UBFD1: variants seen among roughly 807,000 people sequenced by gnomAD.
UBFD1 encodes the protein ubiquitin domain-containing protein UBFD1.
A neutral mutation model predicts 35.1 loss-of-function variants in UBFD1; 12 were observed. The ratio of observed to expected loss-of-function variants is 0.34; its 90% CI spans 0.22 to 0.55. UBFD1 has a LOEUF of 0.55. Ranked by LOEUF, UBFD1 falls within the 20% of genes least tolerant of loss-of-function variation. UBFD1 has a pLI of 0.89. For missense variants in UBFD1, 337 were observed against 410.8 expected (o/e 0.82, Z 1.55); for synonymous variants, 178 against 167.6 (o/e 1.06, Z -0.48).
rs1966096071 is a variant in UBFD1, at chr16:23,572,311, A to G, written c.*1721A>G. 1 of 152,336 alleles carries G rather than the reference A, an allele frequency of 6.6e-6. No individual in the cohort carries two copies. The highest frequency in any genetic ancestry group is 2.4e-5 in the African/African-American group (1 of 41,478). 9.4% of individuals were successfully genotyped at this position (152,336 alleles called of 1,614,324 possible). A position where few individuals can be genotyped will look rare whatever the true frequency, so the allele number is the denominator to read the frequency against. ...TTCATCCCTTGAGAAAGGAGCAGTC[A>G]TTGCAGCTTTTCTGTCCTTGTCGGC... On this transcript the variant is annotated 3_prime_UTR_variant, in exon 7 of 7. Transcript: ENST00000395878.
In UBFD1 at chr16:23,559,919, A is replaced by G. The variant is rs904898633; in HGVS notation, c.564+243A>G. The stretch of plus-strand genomic sequence containing the variant: ...TTTAGGATAAGACCTTGGTAAAGGG[A>G]GGCTTCAGACCATGTGTTGAAAGGA... On this transcript the variant is annotated intron_variant, in intron 3 of 6. Coordinates refer to ENST00000395878, the MANE Select transcript of UBFD1 (RefSeq NM_019116.3). 44 of 1,493,380 alleles carry G rather than the reference A, an allele frequency of 2.9e-5. No individual in the cohort carries two copies. In the Admixed American group the frequency reaches 5.4e-4, roughly 18 times the overall value. The allele number at this position is 1,493,380 out of a possible 1,614,324, so 92.5% of individuals were successfully genotyped here.
chr16:23,561,627 G>A (rs999411664), intron 3 of UBFD1: 2 of 152,230 alleles, frequency 1.3e-5, no homozygotes, highest in Non-Finnish European at 2.9e-5. Context: ...TAGGGCAGTG[G>A]GGAAAACTTC....
chr16:23,557,938 ACCC>A lies in UBFD1; in HGVS notation c.26-9_26-7del, dbSNP rs1470010984. 127 of 1,333,514 alleles carry A rather than the reference ACCC, an allele frequency of 9.5e-5. No individual in the cohort carries two copies. The highest frequency in any genetic ancestry group is 1.2e-4 in the Non-Finnish European group (126 of 1,042,544). 82.6% of individuals were successfully genotyped at this position (1,333,514 alleles called of 1,614,324 possible). A position where few individuals can be genotyped will look rare whatever the true frequency, so the allele number is the denominator to read the frequency against. ...GCCCGCGGCGAGCGCCCACCCCCTA[ACCC>A]CCTTGCAGGCATGGAGGAACCTGGC... On this transcript the variant is annotated splice_polypyrimidine_tract_variant and intron_variant, in intron 1 of 6. Transcript: ENST00000395878.
chr16:23,567,732 A>G (rs1206230081), intron 6 of UBFD1, among the ~76,000 whole-genome samples: 3 of 152,286 alleles, frequency 2.0e-5, no homozygotes, highest in Admixed American at 6.5e-5. Context: ...GAGGAGCCAC[A>G]TTGACCACGA....
chr16:23,567,168 GTCTCCAGAAGATGCAC>G (rs1268206117), intron 6 of UBFD1, 99 bp downstream of exon 6: 6 of 1,135,672 alleles, frequency 5.3e-6, no homozygotes, highest in Non-Finnish European at 6.4e-6. Flanking sequence ...AGAAAACTCA[GTCTCCAGAAGATGCAC>G]TTTTTTAAGA....
chr16:23,573,388 T>C lies in UBFD1; in HGVS notation c.*2798T>C, dbSNP rs1183106213. On this transcript the variant is annotated 3_prime_UTR_variant, in exon 7 of 7. Coordinates refer to ENST00000395878, the MANE Select transcript of UBFD1 (RefSeq NM_019116.3). Reference sequence around the variant, plus strand: ...TCCTGCAGGTTCTGGCTCACAGACATCATCATGCCTTTTTTTCCCTCCCTG... The same window carrying C: ...TCCTGCAGGTTCTGGCTCACAGACACCATCATGCCTTTTTTTCCCTCCCTG... 6.6e-6 allele frequency: 1 copy of C among 152,188 alleles called. No homozygotes were observed. Among genetic ancestry groups the C allele is most frequent in the Non-Finnish European group, 1.5e-5 (1 of 68,038 alleles). The allele number at this position is 152,188 out of a possible 1,614,324, so 9.4% of individuals were successfully genotyped here.
rs755974600 is a variant in UBFD1, at chr16:23,571,252, T to TGCC, written c.*663_*665dup. ...GGGCTCCCTCCCGCCGTGCTGCTGC[T>TGCC]GCCTGTGAACGCACGGTGGGAGAGG... On this transcript the variant is annotated 3_prime_UTR_variant, in exon 7 of 7. Coordinates refer to ENST00000395878, the MANE Select transcript of UBFD1 (RefSeq NM_019116.3). 1 of 152,724 alleles carries TGCC rather than the reference T, an allele frequency of 6.5e-6. No individual in the cohort carries two copies. Among genetic ancestry groups the TGCC allele is most frequent in the Non-Finnish European group, 1.5e-5 (1 of 68,060 alleles). The allele number at this position is 152,724 out of a possible 1,614,324, so 9.5% of individuals were successfully genotyped here.
chr16:23,559,080 A>G (rs1965884625), intron 2 of UBFD1: 1 of 162,772 alleles, frequency 6.1e-6, no homozygotes, highest in African/African-American at 2.4e-5. Context: ...TCCATTAAGA[A>G]CAGGAGTTTT....
intron 5 of UBFD1, among the ~76,000 whole-genome samples, chr16:23,563,259 C>T (rs1402135681): frequency 6.6e-6 from 1 of 152,084 alleles, no homozygotes; most frequent in Non-Finnish European, 1.5e-5. Context: ...ACCTGCCTGG[C>T]CCCTGTAGGT....
In UBFD1 at chr16:23,571,566, G is replaced by A. The variant is rs920753454; in HGVS notation, c.*976G>A. 2 of 152,560 alleles carry A rather than the reference G, an allele frequency of 1.3e-5. No individual in the cohort carries two copies. Among genetic ancestry groups the A allele is most frequent in the African/African-American group, 2.4e-5 (1 of 41,462 alleles). The allele number at this position is 152,560 out of a possible 1,614,324, so 9.5% of individuals were successfully genotyped here. A position where few individuals can be genotyped will look rare whatever the true frequency, so the allele number is the denominator to read the frequency against. Reference sequence around the variant, plus strand: ...TAGAAGATAGTTATACAGCCATATAGCTGCAGATCCAGATAACCTTCTTTC... The same window carrying A: ...TAGAAGATAGTTATACAGCCATATAACTGCAGATCCAGATAACCTTCTTTC... On this transcript the variant is annotated 3_prime_UTR_variant, in exon 7 of 7. Transcript: ENST00000395878.
chr16:23,557,736 A>G lies in UBFD1; in HGVS notation c.-7A>G, dbSNP rs1361351131. ...TGCGGGAGCGGTGGGTGTTGTACAC[A>G]ATCATCATGGCGGCGGCCGGGGCCC... On this transcript the variant is annotated 5_prime_UTR_variant, in exon 1 of 7. Transcript: ENST00000395878. The G allele has an allele frequency of 6.7e-6, 9 of 1,334,616 alleles. No homozygotes were observed. Among genetic ancestry groups the G allele is most frequent in the Non-Finnish European group, 3.8e-6 (4 of 1,041,424 alleles). 82.7% of individuals were successfully genotyped at this position (1,334,616 alleles called of 1,614,324 possible).
chr16:23,559,669 G>A lies in UBFD1; in HGVS notation c.557G>A (p.Arg186Lys), dbSNP rs1016588951. The A allele has an allele frequency of 1.2e-6, 2 of 1,614,214 alleles. No individual in the cohort carries two copies. The highest frequency in any genetic ancestry group is 1.7e-6 in the Non-Finnish European group (2 of 1,180,036). The change falls in exon 3 of 7, where the codon AGG becomes AAG. Residue 186 changes from arginine to lysine, a missense_variant. By Grantham distance (26) the Arg-to-Lys change is conservative (BLOSUM62 2). Around this residue, in one of 4 missense-constraint regions of UBFD1, gnomAD observed 44 missense variants for 39.2 expected, o/e 1.12. Transcript: ENST00000395878. ...GAGAACAAGAAGGAGCCTCTCTGCA[G>A]GCAGAAAGTGAGTCCATCTTGTGCT... ...AEENKKEPLC[R>K]QKQHRKVLDK...
rs1301755774 is a variant in UBFD1, at chr16:23,574,334, G to C, written c.*3744G>C. 6.6e-6 allele frequency: 1 copy of C among 152,468 alleles called. No homozygotes were observed. The highest frequency in any genetic ancestry group is 1.5e-5 in the Non-Finnish European group (1 of 68,024). The allele number at this position is 152,468 out of a possible 1,614,324, so 9.4% of individuals were successfully genotyped here. ...TTTTTTTAAAGTGTAACCTTGAATA[G>C]CTGTCTTATTGTTTATCCTGTAAGA... On this transcript the variant is annotated 3_prime_UTR_variant, in exon 7 of 7. Transcript: ENST00000395878.
At chr16:23,558,311 C>T in intron 2 of UBFD1, 32 bp downstream of exon 2, 1 of 1,592,336 alleles carries the variant, frequency 6.3e-7, no homozygotes, top group Non-Finnish European at 8.5e-7. Context: ...GCCAGTCTTC[C>T]CCACCCCGCC....
At chr16:23,561,465 T>G (rs1029117563) in intron 3 of UBFD1, among the ~76,000 whole-genome samples, 11 of 152,332 alleles carry the variant, frequency 7.2e-5, no homozygotes, top group African/African-American at 2.6e-4. Context: ...TAAGGGGCCC[T>G]GAACTTAGAA....
At chr16:23,560,573 T>C (rs373475821) in intron 3 of UBFD1, among the ~76,000 whole-genome samples, 5 of 152,302 alleles carry the variant, frequency 3.3e-5, no homozygotes, top group African/African-American at 1.2e-4. Flanking sequence ...CCCCCATGTG[T>C]GCTTCCAAAA....
chr16:23,570,112 A>G (rs781660031), intron 6 of UBFD1, among the ~76,000 whole-genome samples: 1 of 152,142 alleles, frequency 6.6e-6, no homozygotes, highest in Non-Finnish European at 1.5e-5. Context: ...CGTTTCTCCA[A>G]CTGTGGTCCC....
At position 23,571,616 on chromosome 16, in the gene UBFD1, A is replaced by G. The variant is rs1328902787; in HGVS notation, c.*1026A>G. 3 of 152,704 alleles carry G rather than the reference A, an allele frequency of 2.0e-5. No individual in the cohort carries two copies. The highest frequency in any genetic ancestry group is 7.2e-5 in the African/African-American group (3 of 41,472). 9.5% of individuals were successfully genotyped at this position (152,704 alleles called of 1,614,324 possible). ...CTTTGGAAGTTTTCAAGAAATTCTT[A>G]AGCAGTCCAAGGATGATTTCAATTA... On this transcript the variant is annotated 3_prime_UTR_variant, in exon 7 of 7. Coordinates refer to ENST00000395878, the MANE Select transcript of UBFD1 (RefSeq NM_019116.3).
chr16:23,558,289 G>T lies in UBFD1; in HGVS notation c.355+10G>T, dbSNP rs373255025. On this transcript the variant is annotated intron_variant, in intron 2 of 6. Coordinates refer to ENST00000395878, the MANE Select transcript of UBFD1 (RefSeq NM_019116.3). Reference sequence around the variant, plus strand: ...ATCCACTCGATTACAGGTAATTCCTGTGGCGCTGACAGCCAGTCTTCCCCA... The same window carrying T: ...ATCCACTCGATTACAGGTAATTCCTTTGGCGCTGACAGCCAGTCTTCCCCA... The T allele has an allele frequency of 1.2e-5, 19 of 1,592,900 alleles. No homozygotes were observed. In the African/African-American group the frequency reaches 2.3e-4, roughly 19 times the overall value.
Sources: gnomAD v4.1 joint callset for allele counts (sites outside exome capture counted in the v4.1 genomes callset) on GRCh38, gnomAD v4.1.1 for gene constraint, gnomAD v4.1.1 regional missense constraint, MANE v1.5 for transcripts, NCBI Gene and HGNC (gene_info 2026-07-23, HGNC 2026-07-21) for gene names.